RELL1: variants seen among roughly 807,000 people sequenced by gnomAD.
The protein encoded by RELL1 is RELT-like protein 1.
Under a neutral mutation model 23.0 loss-of-function variants are expected in RELL1, and 10 were observed. The observed-to-expected ratio is 0.43, with a 90% CI of 0.27 to 0.74. RELL1 has a LOEUF of 0.74. RELL1 is among the 30% of genes least tolerant of loss of function. The pLI, the probability that RELL1 is intolerant of heterozygous loss-of-function variation, is 0.19. For synonymous variants in RELL1, 146 were observed against 146.8 expected (o/e 0.99, Z 0.04); for missense variants, 315 against 364.4 (o/e 0.86, Z 1.10).
rs74795489 is a variant in RELL1 at position 37,636,163 on chromosome 4, A to G, written c.444-1040T>C. Among the ~76,000 whole-genome samples, 881 of 152,340 alleles carry G rather than the reference A, an allele frequency of 5.8e-3. 2 individuals are homozygous for G. Among genetic ancestry groups the G allele is most frequent in the Middle Eastern group, 0.014 (4 of 294 alleles). On this transcript the variant is annotated intron_variant, in intron 4 of 6. Coordinates refer to ENST00000454158, the MANE Select transcript of RELL1 (RefSeq NM_001085400.2). ...AGATCACACTGCAAATAAGTGCTGG[A>G]TCTGAGATCCAAACCTAGAAAGTTT...
intron 1 of RELL1, 87 bp downstream of exon 1, chr4:37,686,113 G>A: frequency 8.9e-7 from 1 of 1,129,300 alleles, no homozygotes; most frequent in Non-Finnish European, 1.3e-6. Flanking sequence ...AGGACGCCGC[G>A]GGGCTGCCGT....
At chr4:37,670,746 AT>A (rs913693470) in intron 1 of RELL1, among the ~76,000 whole-genome samples, 3 of 151,558 alleles carry the variant, frequency 2.0e-5, no homozygotes, top group East Asian at 1.9e-4. Context: ...GATTTTTTGT[AT>A]TTTTTTAGTA....
chr4:37,599,506 A>G (rs1560321475), intron 6 of RELL1, among the ~76,000 whole-genome samples: 1 of 152,086 alleles, frequency 6.6e-6, no homozygotes, highest in Non-Finnish European at 1.5e-5. Flanking sequence ...AATTTGGGGG[A>G]AAACACCTTA....
intron 1 of RELL1, among the ~76,000 whole-genome samples, chr4:37,681,796 C>G (rs560910303): frequency 2.0e-5 from 3 of 151,564 alleles, no homozygotes; most frequent in Non-Finnish European, 4.4e-5. Context: ...CAAAGTGCTG[C>G]GATTACAGGC....
At chr4:37,685,590 A>C (rs1331907948) in intron 1 of RELL1, among the ~76,000 whole-genome samples, 4 of 152,210 alleles carry the variant, frequency 2.6e-5, no homozygotes, top group Admixed American at 1.3e-4. Context: ...AAAGAAGAAA[A>C]AAATGTAAGT....
At chr4:37,676,265 A>G (rs1311133273) in intron 1 of RELL1, among the ~76,000 whole-genome samples, 1 of 152,150 alleles carries the variant, frequency 6.6e-6, no homozygotes, top group Non-Finnish European at 1.5e-5. Context: ...TACTGAGTCT[A>G]TTTTGTTCAC....
At chr4:37,636,321 C>T (rs977172800) in intron 4 of RELL1, among the ~76,000 whole-genome samples, 3 of 152,112 alleles carry the variant, frequency 2.0e-5, no homozygotes, top group African/African-American at 2.4e-5. Context: ...TATGGCCAGG[C>T]GTGGTGGCTC....
intron 1 of RELL1, among the ~76,000 whole-genome samples, chr4:37,660,678 C>A (rs6821667): frequency 0.069 from 10,447 of 152,214 alleles, 457 homozygotes; most frequent in Non-Finnish European, 0.097. Context: ...CCGACTGTCA[C>A]AACTCTAAGA....
chr4:37,598,078 A>AT (rs1553870664), intron 6 of RELL1, among the ~76,000 whole-genome samples: 1 of 126,740 alleles, frequency 7.9e-6, no homozygotes, highest in East Asian at 2.2e-4. Flanking sequence ...TATATATCAT[A>AT]ATATATATAT....
intron 6 of RELL1, among the ~76,000 whole-genome samples, chr4:37,595,488 C>T (rs934428013): frequency 6.6e-6 from 1 of 151,632 alleles, no homozygotes; most frequent in Non-Finnish European, 1.5e-5. Flanking sequence ...TGAAAGAATA[C>T]ATAAAAGAAG....
chr4:37,672,686 T>C lies in RELL1; in HGVS notation c.88+13514A>G, dbSNP rs570232027. Among the ~76,000 whole-genome samples the C allele has an allele frequency of 5.4e-5, 7 of 129,886 alleles. No individual in the cohort carries two copies. The Admixed American group carries it at 6.3e-4, about 12-fold the overall frequency. The allele number at this position is 129,886 out of a possible 152,430, so 85.2% of individuals were successfully genotyped here. A position where few individuals can be genotyped will look rare whatever the true frequency, so the allele number is the denominator to read the frequency against. On this transcript the variant is annotated intron_variant, in intron 1 of 6. Transcript: ENST00000454158. ...TTGTGTAACTACTGTTTCCATAATA[T>C]GTAGGCATTGGATGTATACTGAATT...
exon 7 of RELL1, chr4:37,590,811 CATCTGCTTTAATG>C: frequency 6.2e-7 from 1 of 1,614,174 alleles, no homozygotes. Flanking sequence ...AAGTTCTAAG[CATCTGCTTTAATG>C]AGAAGGGTCC....
At chr4:37,660,751 G>A (rs1721299734) in intron 1 of RELL1, among the ~76,000 whole-genome samples, 1 of 152,200 alleles carries the variant, frequency 6.6e-6, no homozygotes, top group Admixed American at 6.5e-5. Flanking sequence ...CTGTTAAGAG[G>A]CCGGGCGCGG....
downstream of RELL1, among the ~76,000 whole-genome samples, chr4:37,605,793 G>GAGAAAGAAAGAAA (rs1719181030): frequency 1.1e-5 from 1 of 90,304 alleles, no homozygotes; most frequent in Non-Finnish European, 2.4e-5. Flanking sequence ...GAGAAAGAAA[G>GAGAAAGAAAGAAA]AGAAAGAAAG....
chr4:37,679,784 A>G (rs561294287), intron 1 of RELL1, among the ~76,000 whole-genome samples: 3 of 152,156 alleles, frequency 2.0e-5, no homozygotes, highest in South Asian at 2.1e-4. Flanking sequence ...GTGAAACCCC[A>G]TCTCTACTAA....
intron 1 of RELL1, 146 bp downstream of exon 1, chr4:37,686,054 G>A (rs1722396899): frequency 1.5e-6 from 1 of 682,346 alleles, no homozygotes; most frequent in Non-Finnish European, 2.4e-6. Flanking sequence ...GGACCGCCGC[G>A]GGACAGCCAG....
At chr4:37,668,307 A>G (rs1438619329) in intron 1 of RELL1, among the ~76,000 whole-genome samples, 1 of 150,038 alleles carries the variant, frequency 6.7e-6, no homozygotes, top group African/African-American at 2.5e-5. Context: ...GCTCACTGCA[A>G]CCTCCCTGCC....
At chr4:37,677,699 G>A (rs187130823) in intron 1 of RELL1, among the ~76,000 whole-genome samples, 12 of 152,238 alleles carry the variant, frequency 7.9e-5, no homozygotes, top group East Asian at 1.9e-4. Flanking sequence ...GGCTGGGCAC[G>A]GTGGCTCACG....
At chr4:37,623,561 A>G (rs1269699111) in intron 6 of RELL1, 2 of 152,260 alleles carry the variant, frequency 1.3e-5, no homozygotes, top group Non-Finnish European at 2.9e-5. Flanking sequence ...AATTGCTTCT[A>G]AAGTCCCATC....
Sources: gnomAD v4.1 joint callset for allele counts (sites outside exome capture counted in the v4.1 genomes callset) on GRCh38, gnomAD v4.1.1 for gene constraint, MANE v1.5 for transcripts, NCBI Gene and HGNC (gene_info 2026-07-23, HGNC 2026-07-21) for gene names.